Variants in CSMD2 observed in about 807,000 individuals in gnomAD.
CSMD2 encodes CUB and sushi domain-containing protein 2.
CSMD2 carries 130 observed loss-of-function variants against 398.5 expected under a neutral mutation model. The observed-to-expected ratio is 0.33, with a 90% CI of 0.28 to 0.38. The LOEUF (loss-of-function observed/expected upper bound fraction) is 0.38. CSMD2 is among the 10% of genes least tolerant of loss of function. CSMD2 has a pLI of 1.00. For missense variants in CSMD2, 3,829 were observed against 4,764.9 expected (o/e 0.80, Z 5.78); for synonymous variants, 1,828 against 1,908.5 (o/e 0.96, Z 1.10).
chr1:33,909,570 A>T (rs1393295488), intron 5 of CSMD2, among the ~76,000 whole-genome samples: 1 of 152,112 alleles, frequency 6.6e-6, no homozygotes, highest in Admixed American at 6.5e-5. Context: ...AATGTCAAGC[A>T]GGAGAAGGGC....
intron 3 of CSMD2, among the ~76,000 whole-genome samples, chr1:34,029,420 A>T (rs763535077): frequency 3.9e-5 from 6 of 152,214 alleles, no homozygotes; most frequent in Non-Finnish European, 8.8e-5. Context: ...CTGTTGAATA[A>T]GCTCAACGAT....
intron 12 of CSMD2, among the ~76,000 whole-genome samples, chr1:33,788,051 A>G (rs1348342629): frequency 6.6e-6 from 1 of 152,150 alleles, no homozygotes; most frequent in Non-Finnish European, 1.5e-5. Context: ...TGAATTGGGG[A>G]TGGAACTGAG....
chr1:33,984,164 A>G (rs1284420219), intron 3 of CSMD2, among the ~76,000 whole-genome samples: 11 of 142,716 alleles, frequency 7.7e-5, no homozygotes, highest in African/African-American at 2.6e-4. Flanking sequence ...CCCCCACCAA[A>G]AAAAAAAAAG....
rs200151439 is a variant in CSMD2 at position 33,698,887 on chromosome 1, T to A, written c.3791A>T (p.His1264Leu). The change falls in exon 24 of 71, where the codon CAT becomes CTT. Residue 1264 changes from histidine (H) to leucine (L), a missense_variant. By Grantham distance (99) the His-to-Leu change is moderately conservative (BLOSUM62 -3). This residue lies in a region of CSMD2 where 2,001 missense variants were observed against 2,567.1 expected (regional missense o/e 0.78). Coordinates refer to ENST00000373381, the MANE Select transcript of CSMD2 (RefSeq NM_001281956.2). ...GCTCCCTGCAAAATGACCTTCATCA[T>A]GAACCTTGTAGCCAAACTTGGGGGT... ...PGTPKFGYKV[H>L]DEGHFAGSSV... 5 of 1,614,076 alleles carry A rather than the reference T, an allele frequency of 3.1e-6. No individual in the cohort carries two copies. Among genetic ancestry groups the A allele is most frequent in the Non-Finnish European group, 3.4e-6 (4 of 1,180,030 alleles).
chr1:34,163,752 T>C lies in CSMD2; in HGVS notation c.187+1159A>G, dbSNP rs1214924024. Among the ~76,000 whole-genome samples the C allele has an allele frequency of 6.6e-6, 1 of 152,136 alleles. No homozygotes were observed. The highest frequency in any genetic ancestry group is 1.5e-5 in the Non-Finnish European group (1 of 68,024). On this transcript the variant is annotated intron_variant, in intron 1 of 70. Coordinates refer to ENST00000373381, the MANE Select transcript of CSMD2 (RefSeq NM_001281956.2). The surrounding 1 kb of genome is among the most constrained non-coding windows in gnomAD (Gnocchi z 5.4). ...GCAGGTGTTTCGGTTTCTCCCCCAG[T>C]GGGTGTCAGCCTCGCGGGCTAAATG...
At chr1:33,794,771 C>A (rs1234261389) in intron 10 of CSMD2, among the ~76,000 whole-genome samples, 1 of 152,032 alleles carries the variant, frequency 6.6e-6, no homozygotes, top group East Asian at 1.9e-4. Flanking sequence ...GGGATGTGAG[C>A]CTGTAGCAAG....
chr1:33,946,521 T>A (rs2125355850), intron 3 of CSMD2, among the ~76,000 whole-genome samples: 1 of 152,152 alleles, frequency 6.6e-6, no homozygotes, highest in East Asian at 1.9e-4. Context: ...TAAAATCAAT[T>A]CTTACAAAAG....
chr1:34,158,871 T>G (rs1275657319), intron 1 of CSMD2, among the ~76,000 whole-genome samples: 2 of 152,182 alleles, frequency 1.3e-5, no homozygotes, highest in African/African-American at 4.8e-5. Context: ...ATTACAGTGA[T>G]AATTAAATGG....
intron 13 of CSMD2, among the ~76,000 whole-genome samples, chr1:33,753,470 G>A (rs1470544679): frequency 6.6e-6 from 1 of 152,256 alleles, no homozygotes; most frequent in East Asian, 1.9e-4. Context: ...TGGGTGCACA[G>A]CATGCAAGTA....
chr1:33,829,826 G>A (rs1046397946), intron 6 of CSMD2, among the ~76,000 whole-genome samples: 1 of 135,146 alleles, frequency 7.4e-6, no homozygotes, highest in African/African-American at 2.7e-5. Flanking sequence ...TTTTCCAACG[G>A]GCTTAGGAAA....
At chr1:34,138,889 G>T (rs2148518808) in intron 1 of CSMD2, among the ~76,000 whole-genome samples, 1 of 152,096 alleles carries the variant, frequency 6.6e-6, no homozygotes, top group Non-Finnish European at 1.5e-5. Flanking sequence ...TGATCTTCTT[G>T]TGTATCATAT....
intron 3 of CSMD2, among the ~76,000 whole-genome samples, chr1:33,961,804 G>A (rs1370351234): frequency 6.6e-6 from 1 of 152,072 alleles, no homozygotes; most frequent in Non-Finnish European, 1.5e-5. Flanking sequence ...CTTCCCCCAT[G>A]ACTGTAAGCT....
chr1:33,524,368 A>G (rs1053921400), intron 66 of CSMD2, among the ~76,000 whole-genome samples: 1 of 152,204 alleles, frequency 6.6e-6, no homozygotes, highest in African/African-American at 2.4e-5. Flanking sequence ...AATGGGTCCA[A>G]TCATTTTCAA....
At chr1:33,553,164 G>T (rs1657621253) in intron 55 of CSMD2, among the ~76,000 whole-genome samples, 1 of 151,818 alleles carries the variant, frequency 6.6e-6, no homozygotes. Flanking sequence ...TACAGATGTT[G>T]TTTTTTTTAC....
intron 3 of CSMD2, among the ~76,000 whole-genome samples, chr1:33,967,363 C>A (rs907689394): frequency 6.6e-6 from 1 of 152,036 alleles, no homozygotes; most frequent in Non-Finnish European, 1.5e-5. Context: ...AGGCTCTACA[C>A]ACACAGGTAG....
chr1:34,018,601 C>A (rs780072351), intron 3 of CSMD2, among the ~76,000 whole-genome samples: 1 of 152,208 alleles, frequency 6.6e-6, no homozygotes, highest in Non-Finnish European at 1.5e-5. Context: ...GGATAAAGTG[C>A]CATTTCATTG....
At chr1:33,912,916 G>A (rs1437366821) in intron 5 of CSMD2, among the ~76,000 whole-genome samples, 1 of 152,146 alleles carries the variant, frequency 6.6e-6, no homozygotes, top group Non-Finnish European at 1.5e-5. Context: ...GGGCTCAGGT[G>A]ATCCTCCCAC....
At chr1:33,852,980 T>C (rs1638825010) in intron 5 of CSMD2, among the ~76,000 whole-genome samples, 1 of 152,252 alleles carries the variant, frequency 6.6e-6, no homozygotes, top group Admixed American at 6.5e-5. Flanking sequence ...AAAAAAAGTT[T>C]GCTAATTCCT....
At chr1:33,561,828 C>G (rs902526115) in intron 53 of CSMD2, among the ~76,000 whole-genome samples, 10 of 152,076 alleles carry the variant, frequency 6.6e-5, no homozygotes, top group African/African-American at 2.4e-4. Context: ...ATCTGTAAAC[C>G]CCTGAAATTA....
Sources: allele counts gnomAD v4.1 joint callset (sites outside exome capture counted in the v4.1 genomes callset), GRCh38; gene constraint gnomAD v4.1.1; regional missense constraint gnomAD v4.1.1; non-coding constraint Gnocchi (gnomAD v3.1); transcripts MANE v1.5; gene names NCBI Gene and HGNC (gene_info 2026-07-23, HGNC 2026-07-21).